The following CNTNAP2 variants were observed in gnomAD, a reference collection of about 807,000 sequenced individuals.
CNTNAP2 encodes the protein contactin associated protein 2, also known as contactin-associated protein-like 2.
Under a neutral mutation model 155.2 loss-of-function variants are expected in CNTNAP2, and 98 were observed. That is an observed-to-expected ratio of 0.63 (90% CI 0.54 to 0.75). The LOEUF is 0.75. CNTNAP2 is among the 30% of genes least tolerant of loss of function. The probability of loss-of-function intolerance (pLI) is 0.00; values close to 1 mark genes in which losing one functional copy is unlikely to be tolerated. For missense variants in CNTNAP2, 1,727 were observed against 1,688.1 expected, an observed-to-expected ratio of 1.02 and a Z score of -0.40; for synonymous variants, 651 against 631.2, an observed-to-expected ratio of 1.03 and a Z score of -0.47.
chr7:147,443,117 G>A (rs1797672472), intron 10 of CNTNAP2, among the ~76,000 whole-genome samples: 1 of 152,070 alleles, frequency 6.6e-6, no homozygotes, highest in Admixed American at 6.5e-5. Flanking sequence ...GGCCTATACT[G>A]CCTTTCAAGA....
chr7:146,932,535 G>T (rs1001362852), intron 3 of CNTNAP2, among the ~76,000 whole-genome samples: 5 of 152,162 alleles, frequency 3.3e-5, no homozygotes, highest in African/African-American at 9.7e-5. Flanking sequence ...ACAAGACAGG[G>T]ATGCCCTCTC....
At chr7:147,511,960 G>C (rs139578128) in intron 11 of CNTNAP2, among the ~76,000 whole-genome samples, 21 of 152,254 alleles carry the variant, frequency 1.4e-4, no homozygotes, top group African/African-American at 4.6e-4. Context: ...TTGTTTGCTT[G>C]TTTTTATCAC....
chr7:147,314,275 C>T (rs1485959687), intron 9 of CNTNAP2, among the ~76,000 whole-genome samples: 1 of 152,070 alleles, frequency 6.6e-6, no homozygotes, highest in Non-Finnish European at 1.5e-5. Flanking sequence ...GGAATTTAGG[C>T]CAAAGACTTT....
intron 1 of CNTNAP2, among the ~76,000 whole-genome samples, chr7:146,649,304 T>A (rs1016297372): frequency 6.6e-6 from 1 of 152,082 alleles, no homozygotes; most frequent in Non-Finnish European, 1.5e-5. Flanking sequence ...TCAACAGCAA[T>A]CTCTATTAAA....
chr7:147,794,816 TG>T (rs774141533), intron 13 of CNTNAP2, among the ~76,000 whole-genome samples: 29 of 151,886 alleles, frequency 1.9e-4, no homozygotes, highest in Non-Finnish European at 3.4e-4. Flanking sequence ...GGGTCAGTTT[TG>T]GTAGTTTGTA....
Position 146,959,265 on chromosome 7 carries a change from G to T in CNTNAP2, c.403-84642G>T, listed in dbSNP as rs372348591. ...AAACTCCCGACATTGTGATCTGTCC[G>T]CCTCGGCCTCCCAAAGTGAGCCACC... On this transcript the variant is annotated intron_variant, in intron 3 of 23. Coordinates refer to ENST00000361727, the MANE Select transcript of CNTNAP2 (RefSeq NM_014141.6). 3.5e-4 allele frequency among the ~76,000 whole-genome samples: 53 copies of T among 152,086 alleles called. 1 individual carries two copies. In the East Asian group the frequency reaches 8.5e-3, roughly 25 times the overall value.
At chr7:146,906,245 A>G (rs1796122895) in intron 3 of CNTNAP2, among the ~76,000 whole-genome samples, 2 of 152,224 alleles carry the variant, frequency 1.3e-5, no homozygotes, top group Non-Finnish European at 2.9e-5. Flanking sequence ...GCCATTGCCC[A>G]GGCTTGCTTA....
At position 148,159,313 on chromosome 7, in the gene CNTNAP2, G is replaced by A. The variant is rs541616020; in HGVS notation, c.2773+11604G>A. On this transcript the variant is annotated intron_variant, in intron 17 of 23. Transcript: ENST00000361727. Reference sequence around the variant, plus strand: ...CCCACTGAAACGTATTTTATGGATGGTCTTCTAGTCCCACCCTCTATATAT... The same window carrying A: ...CCCACTGAAACGTATTTTATGGATGATCTTCTAGTCCCACCCTCTATATAT... 2.6e-5 allele frequency among the ~76,000 whole-genome samples: 4 copies of A among 152,150 alleles called. No individual in the cohort carries two copies. The South Asian group carries it at 8.3e-4, about 32-fold the overall frequency.
At chr7:147,388,622 C>CTTTTTT (rs770007644) in intron 9 of CNTNAP2, among the ~76,000 whole-genome samples, 32 of 151,850 alleles carry the variant, frequency 2.1e-4, no homozygotes, top group Non-Finnish European at 3.2e-4. Context: ...GCCCTGTAAC[C>CTTTTTT]CAGGCTGGAG....
intron 3 of CNTNAP2, among the ~76,000 whole-genome samples, chr7:146,931,201 G>C (rs1486293759): frequency 6.6e-6 from 1 of 151,866 alleles, no homozygotes; most frequent in African/African-American, 2.4e-5. Context: ...GCTCTCCTCA[G>C]CAAATGTAAA....
intron 4 of CNTNAP2, among the ~76,000 whole-genome samples, chr7:147,100,544 C>T (rs1375715454): frequency 1.3e-5 from 2 of 152,220 alleles, no homozygotes; most frequent in African/African-American, 4.8e-5. Flanking sequence ...TACAGGAGTT[C>T]AATGTTTTGG....
chr7:146,689,637 T>C (rs182324104), intron 1 of CNTNAP2, among the ~76,000 whole-genome samples: 124 of 152,270 alleles, frequency 8.1e-4, no homozygotes, highest in Non-Finnish European at 1.3e-3. Flanking sequence ...TCCTTTGTGC[T>C]GACTGCCACG....
intron 10 of CNTNAP2, among the ~76,000 whole-genome samples, chr7:147,466,495 A>G (rs1318965480): frequency 6.6e-6 from 1 of 152,162 alleles, no homozygotes; most frequent in Admixed American, 6.5e-5. Context: ...TTTTATGACT[A>G]ACCTTGGGGG....
Position 147,140,041 on chromosome 7 carries a change from A to G in CNTNAP2, c.1348+7532A>G, listed in dbSNP as rs114556258. On this transcript the variant is annotated intron_variant, in intron 8 of 23. Transcript: ENST00000361727. ...CTTCTGGGAACTGAAATTCTGTGCT[A>G]TTTCTGAGTCCTCTTTCTTCTCTCC... 6.9e-3 allele frequency among the ~76,000 whole-genome samples: 1,048 copies of G among 152,084 alleles called. 15 individuals carry two copies. The highest frequency in any genetic ancestry group is 0.023 in the African/African-American group (971 of 41,492).
At position 147,640,163 on chromosome 7, in the gene CNTNAP2, G is replaced by GAT. The variant is rs150554246; in HGVS notation, c.2098+873_2098+874dup. Among the ~76,000 whole-genome samples the GAT allele has an allele frequency of 5.3e-3, 791 of 148,420 alleles. 5 individuals carry two copies. Among genetic ancestry groups the GAT allele is most frequent in the Admixed American group, 0.016 (239 of 14,884 alleles). On this transcript the variant is annotated intron_variant, in intron 13 of 23. Transcript: ENST00000361727. ...ATGTCTTTCGTGTACAATATGATAT[G>GAT]ATATATATATATATATAGTGCAATG...
At chr7:147,801,461 C>T (rs1345510685) in intron 13 of CNTNAP2, among the ~76,000 whole-genome samples, 1 of 151,834 alleles carries the variant, frequency 6.6e-6, no homozygotes, top group East Asian at 1.9e-4. Context: ...CTAGGCAGAG[C>T]ACCCTGCGGC....
At position 148,172,263 on chromosome 7, in the gene CNTNAP2, G is replaced by C. The variant is rs1228596882; in HGVS notation, c.2795G>C (p.Gly932Ala). The C allele has an allele frequency of 1.2e-6, 2 of 1,614,002 alleles. No individual in the cohort carries two copies. The highest frequency in any genetic ancestry group is 1.7e-6 in the Non-Finnish European group (2 of 1,180,004). The change falls in exon 18 of 24, where the codon GGC (glycine) becomes GCC (alanine). Residue 932 changes from glycine to alanine, a missense_variant. Transcript: ENST00000361727. The part of the protein sequence containing the change: ...LFVGGAGGQQ[G>A]FLGCIRSLRM... Reference sequence around the variant, plus strand: ...CCAGGTGGTGCTGGGGGCCAGCAGGGCTTCCTGGGCTGCATCCGCTCCTTG... The same window carrying C: ...CCAGGTGGTGCTGGGGGCCAGCAGGCCTTCCTGGGCTGCATCCGCTCCTTG...
At chr7:146,370,904 C>T (rs1488103126) in intron 1 of CNTNAP2, among the ~76,000 whole-genome samples, 1 of 152,088 alleles carries the variant, frequency 6.6e-6, no homozygotes, top group Admixed American at 6.5e-5. Flanking sequence ...TGTGATCTAT[C>T]AAATTTATTG....
chr7:146,298,092 T>C (rs1026433905), intron 1 of CNTNAP2, among the ~76,000 whole-genome samples: 2 of 152,182 alleles, frequency 1.3e-5, no homozygotes, highest in Non-Finnish European at 2.9e-5. Flanking sequence ...AGGAAACTAT[T>C]GGTTTTCTTA....
Sources: gnomAD v4.1 joint callset for allele counts (sites outside exome capture counted in the v4.1 genomes callset) on GRCh38, gnomAD v4.1.1 for gene constraint, MANE v1.5 for transcripts, NCBI Gene and HGNC (gene_info 2026-07-23, HGNC 2026-07-21) for gene names.